The following CYP2E1 variants were observed in gnomAD, a reference collection of about 807,000 sequenced individuals.
The protein encoded by CYP2E1 is cytochrome P450 family 2 subfamily E member 1.
CYP2E1 carries 31 observed loss-of-function variants against 42.9 expected under a neutral mutation model. The ratio of observed to expected loss-of-function variants is 0.72; its 90% CI spans 0.54 to 0.98. CYP2E1 has a LOEUF of 0.98. Ranked by LOEUF, CYP2E1 falls within the 50% of genes least tolerant of loss-of-function variation. The probability of loss-of-function intolerance (pLI) is 0.00; values close to 1 mark genes in which losing one functional copy is unlikely to be tolerated. For synonymous variants in CYP2E1, 244 were observed against 248.9 expected (o/e 0.98, Z 0.19); for missense variants, 565 against 633.2 (o/e 0.89, Z 1.16).
In CYP2E1 at chr10:133,533,779, G is replaced by A; in HGVS notation, c.849G>A (p.Leu283=). Reference sequence around the variant, plus strand: ...AGGAAAAGCACAGTGCAGAGCGCTTGTACACAATGGACGGTATCACCGTGA... The same window carrying A: ...AGGAAAAGCACAGTGCAGAGCGCTTATACACAATGGACGGTATCACCGTGA... ...MEKEKHSAER[L]YTMDGITVTV... The change falls in exon 6 of 9, where the codon TTG becomes TTA. Residue 283 remains leucine, a synonymous_variant. Transcript: ENST00000252945. The A allele has an allele frequency of 6.2e-7, 1 of 1,614,176 alleles. No homozygotes were observed.
Position 133,528,129 on chromosome 10 carries a change from G to A in CYP2E1, c.178-352G>A, listed in dbSNP as rs562106016. On this transcript the variant is annotated intron_variant, in intron 1 of 8. Transcript: ENST00000252945. Reference sequence around the variant, plus strand: ...CGCCTGCTCCAGCTCGGGCTCCCGCGCCAGAACCGGGTCCAGAACCTTGAT... The same window carrying A: ...CGCCTGCTCCAGCTCGGGCTCCCGCACCAGAACCGGGTCCAGAACCTTGAT... The A allele has an allele frequency of 3.1e-3, 774 of 249,206 alleles. 5 individuals carry two copies. The highest frequency in any genetic ancestry group is 0.016 in the African/African-American group (708 of 44,498). The allele number at this position is 249,206 out of a possible 1,614,324, so 15.4% of individuals were successfully genotyped here.
At chr10:133,531,547 G>A (rs775252735) in intron 2 of CYP2E1, 38 bp from the exon 3 acceptor site, 159 of 1,612,276 alleles carry the variant, frequency 9.9e-5, no homozygotes, top group Non-Finnish European at 1.3e-4. Context: ...CCCAAAATGG[G>A]TATTTAGAAT....
At position 133,527,473 on chromosome 10, in the gene CYP2E1, G is replaced by A. The variant is rs1313174406; in HGVS notation, c.78G>A (p.Val26=). 1.2e-6 allele frequency: 2 copies of A among 1,613,686 alleles called. No individual in the cohort carries two copies. The highest frequency in any genetic ancestry group is 1.1e-5 in the South Asian group (1 of 91,060). The part of the protein sequence containing the change: ...FLLLVSMWRQ[V]HSSWNLPPGP... Reference sequence around the variant, plus strand: ...TGCTGGTGTCCATGTGGAGGCAGGTGCACAGCAGCTGGAATCTGCCCCCAG... The same window carrying A: ...TGCTGGTGTCCATGTGGAGGCAGGTACACAGCAGCTGGAATCTGCCCCCAG... Residue 26 remains valine (V), a synonymous_variant, in exon 1 of 9, where the codon GTG becomes GTA. Transcript: ENST00000252945.
chr10:133,529,731 G>A lies in CYP2E1; in HGVS notation c.337+1091G>A, dbSNP rs191586700. Among the ~76,000 whole-genome samples, 1,231 of 152,366 alleles carry A rather than the reference G, an allele frequency of 8.1e-3. 13 individuals are homozygous for A. Among genetic ancestry groups the A allele is most frequent in the Middle Eastern group, 0.024 (7 of 294 alleles). ...GCTCTGCGGGGCGCGGGCTGGTGGC[G>A]GGCGGGGGTCGCCGGCTCCAGCTCA... On this transcript the variant is annotated intron_variant, in intron 2 of 8. Transcript: ENST00000252945.
At chr10:133,531,225 G>A (rs372130576) in intron 2 of CYP2E1, among the ~76,000 whole-genome samples, 1 of 152,320 alleles carries the variant, frequency 6.6e-6, no homozygotes, top group African/African-American at 2.4e-5. Flanking sequence ...AAAGAGGTGG[G>A]AGGTGTTCTT....
At chr10:133,537,031 C>A in intron 6 of CYP2E1, 32 bp from the exon 7 acceptor site, 2 of 1,595,840 alleles carry the variant, frequency 1.3e-6, no homozygotes, top group Non-Finnish European at 1.7e-6. Context: ...AGGAACCAAT[C>A]CCTGAAATTT....
intron 2 of CYP2E1, among the ~76,000 whole-genome samples, chr10:133,529,738 G>A (rs1425779809): frequency 6.6e-6 from 1 of 152,230 alleles, no homozygotes; most frequent in Admixed American, 6.5e-5. Context: ...GGCGGGCGGG[G>A]GTCGCCGGCT....
chr10:133,533,645 G>T, intron 5 of CYP2E1, 111 bp from the exon 6 acceptor site: 1 of 1,223,232 alleles, frequency 8.2e-7, no homozygotes. Context: ...TCCACTGGGA[G>T]AGCCTCTTGG....
At chr10:133,527,862 CG>C (rs1258871222) in intron 1 of CYP2E1, among the ~76,000 whole-genome samples, 1 of 152,230 alleles carries the variant, frequency 6.6e-6, no homozygotes. Context: ...ACCGGGCTGG[CG>C]GCCAGATGCG....
chr10:133,531,683 C>T lies in CYP2E1; in HGVS notation c.436C>T (p.Arg146Trp), dbSNP rs370419762. ...GATGGGGAAACAGGGCAATGAGAGC[C>T]GGATCCAGAGGGAGGCCCACTTCCT... Reference protein sequence around the residue: ...YGMGKQGNESRIQREAHFLLE... With the variant: ...YGMGKQGNESWIQREAHFLLE... The change falls in exon 3 of 9, where the codon CGG (arginine) becomes TGG (tryptophan). Residue 146 changes from arginine to tryptophan, a missense_variant. Coordinates refer to ENST00000252945, the MANE Select transcript of CYP2E1 (RefSeq NM_000773.4). 7 of 1,612,546 alleles carry T rather than the reference C, an allele frequency of 4.3e-6. No homozygotes were observed. The highest frequency in any genetic ancestry group is 4.5e-5 in the East Asian group (2 of 44,874).
At position 133,527,513 on chromosome 10, in the gene CYP2E1, C is replaced by T; in HGVS notation, c.118C>T (p.Pro40Ser). 1.2e-6 allele frequency: 2 copies of T among 1,613,604 alleles called. No individual in the cohort carries two copies. The highest frequency in any genetic ancestry group is 1.3e-5 in the African/African-American group (1 of 75,042). The change falls in exon 1 of 9, where the codon CCC (proline) becomes TCC (serine). Residue 40 changes from proline (P) to serine (S), a missense_variant. Transcript: ENST00000252945. ...WNLPPGPFPL[P>S]IIGNLFQLEL... The stretch of plus-strand genomic sequence containing the variant: ...TCTGCCCCCAGGCCCTTTCCCGCTT[C>T]CCATCATCGGGAACCTCTTCCAGTT...
intron 6 of CYP2E1, among the ~76,000 whole-genome samples, chr10:133,534,598 G>A (rs761957694): frequency 1.6e-4 from 24 of 152,268 alleles, no homozygotes; most frequent in Middle Eastern, 3.4e-3. Flanking sequence ...GGAGAGTGCC[G>A]GGGGGCCCAG....
intron 6 of CYP2E1, among the ~76,000 whole-genome samples, chr10:133,536,410 C>T (rs12761234): frequency 0.74 from 110,504 of 148,794 alleles, 43,971 homozygotes; most frequent in Non-Finnish European, 0.89. Flanking sequence ...GGTGGATGGA[C>T]GGACGGATGG....
In CYP2E1 at chr10:133,537,120, A is replaced by G; in HGVS notation, c.1025A>G (p.Lys342Arg). The change falls in exon 7 of 9, where the codon AAG becomes AGG. Residue 342 changes from lysine to arginine, a missense_variant. Lys to Arg is a conservative substitution (Grantham distance 26). Transcript: ENST00000252945. ...VIGPSRIPAI[K>R]DRQEMPYMDA... ...GGGCCAAGCCGAATCCCTGCCATCAAGGATAGGCAAGAGATGCCCTACATG... is the reference window on the plus strand; with the variant it reads ...GGGCCAAGCCGAATCCCTGCCATCAGGGATAGGCAAGAGATGCCCTACATG... 6.2e-7 allele frequency: 1 copy of G among 1,614,030 alleles called. No individual in the cohort carries two copies. Among genetic ancestry groups the G allele is most frequent in the East Asian group, 2.2e-5 (1 of 44,876 alleles).
rs756973880 is a variant in CYP2E1, at chr10:133,528,535, G to A, written c.232G>A (p.Val78Met). 2.5e-6 allele frequency: 4 copies of A among 1,613,560 alleles called. No homozygotes were observed. Among genetic ancestry groups the A allele is most frequent in the Admixed American group, 1.7e-5 (1 of 60,030 alleles). The stretch of plus-strand genomic sequence containing the variant: ...GCTGTACGTGGGCTCGCAGCGCATG[G>A]TGGTGATGCACGGCTACAAGGCGGT... ...FTLYVGSQRM[V>M]VMHGYKAVKE... is the part of the protein sequence containing the mutation. The change falls in exon 2 of 9, where the codon GTG becomes ATG. Residue 78 changes from valine (V) to methionine (M), a missense_variant. Coordinates refer to ENST00000252945, the MANE Select transcript of CYP2E1 (RefSeq NM_000773.4).
chr10:133,533,847 C>T lies in CYP2E1; in HGVS notation c.917C>T (p.Thr306Ile). 1 of 1,614,176 alleles carries T rather than the reference C, an allele frequency of 6.2e-7. No homozygotes were observed. Among genetic ancestry groups the T allele is most frequent in the Non-Finnish European group, 8.5e-7 (1 of 1,180,012 alleles). Residue 306 changes from threonine to isoleucine, a missense_variant, in exon 6 of 9, where the codon ACA becomes ATA. Transcript: ENST00000252945. ...TTTGCGGGGACAGAGACCACCAGCACAACTCTGAGATATGGGCTCCTGATT... is the reference window on the plus strand; with the variant it reads ...TTTGCGGGGACAGAGACCACCAGCATAACTCTGAGATATGGGCTCCTGATT... ...LFFAGTETTS[T>I]TLRYGLLILM...
intron 3 of CYP2E1, 40 bp downstream of exon 3, chr10:133,531,774 G>T: frequency 6.5e-7 from 1 of 1,541,566 alleles, no homozygotes; most frequent in Non-Finnish European, 8.7e-7. Flanking sequence ...TCCTCTTGCA[G>T]ACCAGCGGTG....
At position 133,538,852 on chromosome 10, in the gene CYP2E1, A is replaced by T. The variant is rs28969387; in HGVS notation, c.1370A>T (p.His457Leu). The T allele has an allele frequency of 2.4e-3, 3,895 of 1,613,672 alleles. No homozygotes were observed. The African/African-American group carries it at 0.045, about 19-fold the overall frequency. Residue 457 changes from histidine to leucine, a missense_variant, in exon 9 of 9, where the codon CAT (histidine) becomes CTT (leucine). His to Leu is a moderately conservative substitution (Grantham distance 99, BLOSUM62 -3). Coordinates refer to ENST00000252945, the MANE Select transcript of CYP2E1 (RefSeq NM_000773.4). ...LFLLLCAILQ[H>L]FNLKPLVDPK... ...CTTTTGTTGTGTGCCATTTTGCAGC[A>T]TTTTAATTTGAAGCCTCTCGTTGAC... is the stretch of plus-strand genomic sequence containing the variant.
chr10:133,533,921 C>T (rs759425320), intron 6 of CYP2E1, 24 bp downstream of exon 6: 2 of 1,613,230 alleles, frequency 1.2e-6, no homozygotes, highest in Non-Finnish European at 1.7e-6. Flanking sequence ...TGAAGGGACA[C>T]CGTGCGTGCG....
Sources: allele counts gnomAD v4.1 joint callset (sites outside exome capture counted in the v4.1 genomes callset), GRCh38; gene constraint gnomAD v4.1.1; transcripts MANE v1.5; gene names NCBI Gene and HGNC (gene_info 2026-07-23, HGNC 2026-07-21).